The following HECW1 variants were observed in gnomAD, a reference collection of about 807,000 sequenced individuals.
The protein encoded by HECW1 is E3 ubiquitin-protein ligase HECW1.
Under a neutral mutation model 182.3 loss-of-function variants are expected in HECW1, and 61 were observed. The ratio of observed to expected loss-of-function variants is 0.33; its 90% CI spans 0.27 to 0.41. The LOEUF is 0.41. HECW1 is among the 10% of genes least tolerant of loss of function. HECW1 has a pLI of 1.00. For missense variants in HECW1, 1,739 were observed against 2,108.9 expected (o/e 0.82, Z 3.44); for synonymous variants, 859 against 832.6 (o/e 1.03, Z -0.55).
At chr7:43,552,443 A>C in intron 28 of HECW1, 107 bp downstream of exon 28, 1 of 761,562 alleles carries the variant, frequency 1.3e-6, no homozygotes. Flanking sequence ...AATTGACTAA[A>C]GCGAACAAGT....
At chr7:43,469,259 C>G (rs2077917326) in intron 16 of HECW1, among the ~76,000 whole-genome samples, 154 bp downstream of exon 16, 1 of 152,206 alleles carries the variant, frequency 6.6e-6, no homozygotes, top group African/African-American at 2.4e-5. Context: ...CCACCCACAT[C>G]TGGGTTTCTC....
chr7:43,558,045 G>T (rs2082089153), intron 29 of HECW1, among the ~76,000 whole-genome samples: 1 of 152,204 alleles, frequency 6.6e-6, no homozygotes, highest in Non-Finnish European at 1.5e-5. Flanking sequence ...CCACGTCACA[G>T]CGTGTGGGGC....
intron 21 of HECW1, among the ~76,000 whole-genome samples, chr7:43,506,426 TAGAG>T (rs2079577619): frequency 6.6e-6 from 1 of 152,298 alleles, no homozygotes; most frequent in East Asian, 1.9e-4. Context: ...TTGAAAGAAT[TAGAG>T]AGGAAGACAT....
chr7:43,496,128 T>C lies in HECW1; in HGVS notation c.3437+2948T>C, dbSNP rs192390874. Among the ~76,000 whole-genome samples, 431 of 151,638 alleles carry C rather than the reference T, an allele frequency of 2.8e-3. 6 individuals are homozygous for C. In the East Asian group the frequency reaches 0.034, roughly 12 times the overall value. ...GTTGCAATATGGGATTGTACAATTA[T>C]GATTTTGCAGAGCTGGGGGAACTTG... On this transcript the variant is annotated intron_variant, in intron 19 of 29. Transcript: ENST00000395891.
At chr7:43,266,918 A>T (rs755963424) in intron 3 of HECW1, among the ~76,000 whole-genome samples, 4 of 152,344 alleles carry the variant, frequency 2.6e-5, no homozygotes, top group Admixed American at 6.5e-5. Flanking sequence ...GAAGTGTTTA[A>T]TGGGACAAAG....
intron 16 of HECW1, among the ~76,000 whole-genome samples, chr7:43,471,716 C>T (rs2078032487): frequency 6.6e-6 from 1 of 152,090 alleles, no homozygotes; most frequent in Admixed American, 6.6e-5. Flanking sequence ...GAGGCAGTCA[C>T]CATCAGAGAG....
intron 17 of HECW1, among the ~76,000 whole-genome samples, chr7:43,488,602 G>C (rs1253001177): frequency 6.6e-6 from 1 of 152,312 alleles, no homozygotes. Context: ...CCTCGGGATG[G>C]ATTGTTTAGT....
intron 2 of HECW1, among the ~76,000 whole-genome samples, chr7:43,178,041 GCT>G (rs1428078381): frequency 1.3e-5 from 2 of 152,118 alleles, no homozygotes; most frequent in African/African-American, 4.8e-5. Flanking sequence ...ACAGAGTCTC[GCT>G]CTGTCACCCA....
chr7:43,298,592 G>A (rs926867464), intron 3 of HECW1, among the ~76,000 whole-genome samples: 15 of 152,218 alleles, frequency 9.9e-5, no homozygotes, highest in African/African-American at 3.6e-4. Context: ...CCCTAGTCTT[G>A]CAGTGTGTGA....
intron 21 of HECW1, among the ~76,000 whole-genome samples, chr7:43,506,794 T>C (rs2079592338): frequency 6.6e-6 from 1 of 151,432 alleles, no homozygotes; most frequent in South Asian, 2.1e-4. Context: ...TATCTGGGTG[T>C]GGTAGTGCAT....
chr7:43,411,007 C>G (rs556758728), intron 8 of HECW1, among the ~76,000 whole-genome samples: 1 of 149,290 alleles, frequency 6.7e-6, no homozygotes, highest in Admixed American at 6.7e-5. Context: ...TTTATATATG[C>G]CCTTATTTTC....
chr7:43,311,007 A>C (rs1808432410), intron 3 of HECW1, among the ~76,000 whole-genome samples: 1 of 152,220 alleles, frequency 6.6e-6, no homozygotes, highest in African/African-American at 2.4e-5. Context: ...ATCTGTGCCC[A>C]AAACGAGTTA....
rs3032881 is a variant in HECW1, at chr7:43,317,809, T to TTGTGTGTG, written c.353-2790_353-2783dup. On this transcript the variant is annotated intron_variant, in intron 4 of 29. Transcript: ENST00000395891. ...AGCAAAATATACTTTTTTCTCATTA[T>TTGTGTGTG]TGTGTGTGTGTGTGTGTGTGTGTGT... Among the ~76,000 whole-genome samples, 384 of 142,616 alleles carry TTGTGTGTG rather than the reference T, an allele frequency of 2.7e-3. 4 individuals carry two copies. The highest frequency in any genetic ancestry group is 0.011 in the East Asian group (55 of 4,784). The allele number at this position is 142,616 out of a possible 152,430, so 93.6% of individuals were successfully genotyped here.
In HECW1 at chr7:43,243,776, G is replaced by T; in HGVS notation, c.-31-99G>T. 1.1e-6 allele frequency: 1 copy of T among 928,484 alleles called. No individual in the cohort carries two copies. The highest frequency in any genetic ancestry group is 1.3e-5 in the South Asian group (1 of 75,434). The allele number at this position is 928,484 out of a possible 1,614,324, so 57.5% of individuals were successfully genotyped here. A position where few individuals can be genotyped will look rare whatever the true frequency, so the allele number is the denominator to read the frequency against. On this transcript the variant is annotated intron_variant, in intron 2 of 29. Transcript: ENST00000395891. The surrounding 1 kb of genome is among the most constrained non-coding windows in gnomAD (Gnocchi z 4.0). ...GTCGGTTGCCCAGGCCAGGTATCTT[G>T]GCGGGGGTGGGGGAAACAATGTTGT...
At chr7:43,345,799 TACAC>T (rs58255657) in intron 5 of HECW1, among the ~76,000 whole-genome samples, 79,767 of 150,622 alleles carry the variant, frequency 0.53, 22,251 homozygotes, top group Middle Eastern at 0.69. Context: ...ATCATATATA[TACAC>T]ACACACACAC....
intron 2 of HECW1, among the ~76,000 whole-genome samples, chr7:43,197,688 G>A (rs573341246): frequency 6.6e-6 from 1 of 152,120 alleles, no homozygotes; most frequent in Non-Finnish European, 1.5e-5. Context: ...GGAGAGGAGC[G>A]GTGAGGTGAG....
intron 17 of HECW1, among the ~76,000 whole-genome samples, chr7:43,489,313 C>T (rs2078840860): frequency 6.6e-6 from 1 of 152,094 alleles, no homozygotes; most frequent in Non-Finnish European, 1.5e-5. Flanking sequence ...GCATGATTCC[C>T]TCCAAGAAAA....
chr7:43,319,836 C>G (rs1032571084), intron 4 of HECW1, among the ~76,000 whole-genome samples: 1 of 141,282 alleles, frequency 7.1e-6, no homozygotes, highest in African/African-American at 2.8e-5. Context: ...TGGTCTCGAA[C>G]TGCTGACCTC....
chr7:43,297,531 G>A (rs1052607068), intron 3 of HECW1, among the ~76,000 whole-genome samples: 1 of 152,160 alleles, frequency 6.6e-6, no homozygotes, highest in Admixed American at 6.5e-5. Context: ...CTCAGAAGGT[G>A]CCATTCTCCA....
Sources: allele counts gnomAD v4.1 joint callset (sites outside exome capture counted in the v4.1 genomes callset), GRCh38; gene constraint gnomAD v4.1.1; non-coding constraint Gnocchi (gnomAD v3.1); transcripts MANE v1.5; gene names NCBI Gene and HGNC (gene_info 2026-07-23, HGNC 2026-07-21).